Variants in PKHD1 observed in about 807,000 individuals in gnomAD.
PKHD1 encodes the protein fibrocystin.
Under a neutral mutation model 412.0 loss-of-function variants are expected in PKHD1, and 291 were observed. The ratio of observed to expected loss-of-function variants is 0.71; its 90% CI spans 0.64 to 0.78. The LOEUF (loss-of-function observed/expected upper bound fraction) is 0.78. PKHD1 is among the 30% of genes least tolerant of loss of function. The pLI, the probability that PKHD1 is intolerant of heterozygous loss-of-function variation, is 0.00. For synonymous variants in PKHD1, 1,777 were observed against 1,821.5 expected (o/e 0.98, Z 0.62); for missense variants, 4,825 against 4,950.7 (o/e 0.97, Z 0.76).
intron 66 of PKHD1, among the ~76,000 whole-genome samples, chr6:51,624,522 G>C (rs917718480): frequency 6.6e-6 from 1 of 152,254 alleles, no homozygotes; most frequent in East Asian, 1.9e-4. Flanking sequence ...AAAAAAATGT[G>C]CATTCATCAT....
In PKHD1 at chr6:51,744,408, C is replaced by T; in HGVS notation, c.10133G>A (p.Trp3378Ter). 6.2e-7 allele frequency: 1 copy of T among 1,613,976 alleles called. No individual in the cohort carries two copies. The highest frequency in any genetic ancestry group is 8.5e-7 in the Non-Finnish European group (1 of 1,179,882). Reference sequence around the variant, plus strand: ...ACCTGCGTTGAAGAAGGATGCAGTCCATTCTGCCTCTGTTTTAGGAAATAC... The same window carrying T: ...ACCTGCGTTGAAGAAGGATGCAGTCTATTCTGCCTCTGTTTTAGGAAATAC... ...VSVFPKTEAE[W>*]TASFFNAGTF... The change falls in exon 60 of 67, where the codon TGG becomes TAG. Residue 3378 changes from tryptophan (W) to a stop codon, truncating the protein, a stop_gained. Transcript: ENST00000371117. LOFTEE classifies it high-confidence loss of function.
Position 52,073,546 on chromosome 6 carries a change from T to C in PKHD1, c.449-5A>G, listed in dbSNP as rs1001184783. The C allele has an allele frequency of 6.4e-7, 1 of 1,566,266 alleles. No individual in the cohort carries two copies. Among genetic ancestry groups the C allele is most frequent in the African/African-American group, 1.4e-5 (1 of 74,008 alleles). The stretch of plus-strand genomic sequence containing the variant: ...CATATACATGTATTAGTTTTCCTGT[T>C]TGAAGAAGAATTTTTTTAATTTAAT... On this transcript the variant is annotated splice_polypyrimidine_tract_variant and splice_region_variant and intron_variant, in intron 6 of 66. Coordinates refer to ENST00000371117, the MANE Select transcript of PKHD1 (RefSeq NM_138694.4).
chr6:51,807,920 C>T (rs183967522), intron 52 of PKHD1, among the ~76,000 whole-genome samples: 129 of 151,728 alleles, frequency 8.5e-4, no homozygotes, highest in South Asian at 1.0e-3. Context: ...GGGGAGATTG[C>T]GGACTAGGGA....
intron 57 of PKHD1, among the ~76,000 whole-genome samples, chr6:51,751,802 T>G (rs1361191342): frequency 6.6e-6 from 1 of 152,216 alleles, no homozygotes; most frequent in Non-Finnish European, 1.5e-5. Flanking sequence ...TACTATAGAC[T>G]CTATTTCCTG....
At chr6:51,706,495 G>A (rs1438654385) in intron 60 of PKHD1, among the ~76,000 whole-genome samples, 46 of 118,858 alleles carry the variant, frequency 3.9e-4, no homozygotes, top group Admixed American at 3.5e-3. Context: ...AAAAAAAAAA[G>A]GGTAACATGA....
intron 43 of PKHD1, among the ~76,000 whole-genome samples, chr6:51,892,121 T>C (rs1311948596): frequency 1.4e-4 from 21 of 152,256 alleles, no homozygotes. Flanking sequence ...TGTGGACTAA[T>C]TGGCCGAGTC....
Position 51,648,052 on chromosome 6 carries a change from C to T in PKHD1, c.11377G>A (p.Ala3793Thr). 1 of 1,601,862 alleles carries T rather than the reference C, an allele frequency of 6.2e-7. No homozygotes were observed. Among genetic ancestry groups the T allele is most frequent in the South Asian group, 1.1e-5 (1 of 90,828 alleles). Reference sequence around the variant, plus strand: ...CTACCTTTTAGCACTGAGTCTGATGCTCCTTCCAGGGAAGCTGAAATTGTC... The same window carrying T: ...CTACCTTTTAGCACTGAGTCTGATGTTCCTTCCAGGGAAGCTGAAATTGTC... Reference protein sequence around the residue: ...PWTISASLEGASDSVLKGCTQ... With the variant: ...PWTISASLEGTSDSVLKGCTQ... Residue 3793 changes from alanine (A) to threonine (T), a missense_variant, in exon 63 of 67, where the codon GCA becomes ACA. Ala to Thr is a moderately conservative substitution (Grantham distance 58). Transcript: ENST00000371117.
chr6:51,857,695 C>T (rs1773511701), intron 48 of PKHD1, among the ~76,000 whole-genome samples: 1 of 152,194 alleles, frequency 6.6e-6, no homozygotes, highest in South Asian at 2.1e-4. Context: ...ATTTACCATT[C>T]TGCACTACTT....
intron 13 of PKHD1, among the ~76,000 whole-genome samples, chr6:52,063,990 A>T (rs906791982): frequency 5.3e-5 from 8 of 152,350 alleles, no homozygotes; most frequent in African/African-American, 1.9e-4. Context: ...AACACACATT[A>T]TCTTGATTAC....
chr6:51,692,983 T>C lies in PKHD1; in HGVS notation c.10157-33014A>G, dbSNP rs375296494. Among the ~76,000 whole-genome samples the C allele has an allele frequency of 3.6e-4, 55 of 152,334 alleles. No individual in the cohort carries two copies. The East Asian group carries it at 6.2e-3, about 17-fold the overall frequency. On this transcript the variant is annotated intron_variant, in intron 60 of 66. Coordinates refer to ENST00000371117, the MANE Select transcript of PKHD1 (RefSeq NM_138694.4). ...AACTCTTAGGGCATCACTATCTCCT[T>C]ATTTCTCTCTTATCTTTGTTTCTCC...
chr6:51,709,463 G>A (rs554202005), intron 60 of PKHD1, among the ~76,000 whole-genome samples: 7 of 152,242 alleles, frequency 4.6e-5, no homozygotes, highest in South Asian at 2.1e-4. Flanking sequence ...ATCTCACTTC[G>A]GAGGAAGTTA....
At chr6:51,834,064 A>G (rs1460927018) in intron 51 of PKHD1, among the ~76,000 whole-genome samples, 1 of 152,102 alleles carries the variant, frequency 6.6e-6, no homozygotes, top group Non-Finnish European at 1.5e-5. Context: ...TCATCAACCC[A>G]GGTTTTCATG....
intron 48 of PKHD1, among the ~76,000 whole-genome samples, chr6:51,864,265 G>A (rs538517768): frequency 5.3e-4 from 81 of 152,300 alleles, no homozygotes; most frequent in Non-Finnish European, 9.8e-4. Context: ...CATTAGGAAT[G>A]TCAGACTTTC....
At chr6:51,942,159 CT>C (rs1039147346) in intron 36 of PKHD1, among the ~76,000 whole-genome samples, 6 of 151,682 alleles carry the variant, frequency 4.0e-5, no homozygotes, top group African/African-American at 1.4e-4. Flanking sequence ...CCCCACTCCT[CT>C]TTCCATTCCT....
intron 35 of PKHD1, among the ~76,000 whole-genome samples, chr6:51,987,313 TAAC>T (rs1796340362): frequency 6.6e-6 from 1 of 152,162 alleles, no homozygotes; most frequent in Non-Finnish European, 1.5e-5. Context: ...ATGATAATAA[TAAC>T]AAGAATAATA....
chr6:51,665,880 T>C (rs1242737450), intron 60 of PKHD1, among the ~76,000 whole-genome samples: 2 of 152,008 alleles, frequency 1.3e-5, no homozygotes, highest in African/African-American at 2.4e-5. Flanking sequence ...ATTGGATAGG[T>C]TGAAAGACTT....
At chr6:51,898,775 A>T (rs1780621451) in intron 43 of PKHD1, among the ~76,000 whole-genome samples, 1 of 118,752 alleles carries the variant, frequency 8.4e-6, no homozygotes, top group Non-Finnish European at 1.7e-5. Flanking sequence ...TAGCAAGACT[A>T]ATAAAGAAAA....
In PKHD1 at chr6:51,885,748, CCCT is replaced by C. The variant is rs1299296074; in HGVS notation, c.7215+116_7215+118del. On this transcript the variant is annotated intron_variant, in intron 45 of 66. Coordinates refer to ENST00000371117, the MANE Select transcript of PKHD1 (RefSeq NM_138694.4). The stretch of plus-strand genomic sequence containing the variant: ...AAATTGTGACAGCACAGCAATGCTC[CCCT>C]CAAGGGCAAGTCAATCCCATTTAAG... The C allele has an allele frequency of 8.1e-6, 6 of 738,248 alleles. No homozygotes were observed. The African/African-American group carries it at 1.0e-4, about 13-fold the overall frequency. The allele number at this position is 738,248 out of a possible 1,614,324, so 45.7% of individuals were successfully genotyped here.
chr6:52,021,319 C>T (rs1455341905), intron 33 of PKHD1, among the ~76,000 whole-genome samples: 1 of 152,140 alleles, frequency 6.6e-6, no homozygotes, highest in Non-Finnish European at 1.5e-5. Context: ...TCACAACTTA[C>T]CTGATCCTGA....
Sources: gnomAD v4.1 joint callset for allele counts (sites outside exome capture counted in the v4.1 genomes callset) on GRCh38, gnomAD v4.1.1 for gene constraint, MANE v1.5 for transcripts, NCBI Gene and HGNC (gene_info 2026-07-23, HGNC 2026-07-21) for gene names.